The following CCDC126 variants were observed in gnomAD, a reference collection of about 807,000 sequenced individuals.
CCDC126 encodes coiled-coil domain-containing protein 126.
A neutral mutation model predicts 11.7 loss-of-function variants in CCDC126; 5 were observed. The ratio of observed to expected loss-of-function variants is 0.43; its 90% CI spans 0.22 to 0.90. The LOEUF is 0.90. CCDC126 is among the 40% of genes least tolerant of loss of function. CCDC126 has a pLI of 0.27. For synonymous variants in CCDC126, 60 were observed against 61.9 expected, an observed-to-expected ratio of 0.97 and a Z score of 0.14; for missense variants, 150 against 163.1, an observed-to-expected ratio of 0.92 and a Z score of 0.44.
chr7:23,620,719 A>G (rs1459642745), intron 3 of CCDC126, among the ~76,000 whole-genome samples: 1 of 152,206 alleles, frequency 6.6e-6, no homozygotes, highest in Non-Finnish European at 1.5e-5. Context: ...TAGGTCTAAC[A>G]TCTAAGTCTT....
intron 3 of CCDC126, among the ~76,000 whole-genome samples, chr7:23,638,380 C>A (rs1167229518): frequency 1.0e-5 from 1 of 95,932 alleles, no homozygotes; most frequent in Non-Finnish European, 2.1e-5. Flanking sequence ...AAGAAAAATT[C>A]TTCTGCCTTG....
chr7:23,604,186 G>A (rs1029091861), intron 2 of CCDC126: 2 of 152,138 alleles, frequency 1.3e-5, no homozygotes, highest in Non-Finnish European at 2.9e-5. Context: ...ACATTTTCAT[G>A]TTGTCCACAA....
chr7:23,625,345 C>T (rs926876081), intron 3 of CCDC126, among the ~76,000 whole-genome samples: 1 of 152,088 alleles, frequency 6.6e-6, no homozygotes, highest in Non-Finnish European at 1.5e-5. Context: ...AGGATGTGCA[C>T]ACGTTAAATT....
chr7:23,605,226 T>C (rs1355228379), intron 2 of CCDC126, among the ~76,000 whole-genome samples: 2 of 152,100 alleles, frequency 1.3e-5, no homozygotes, highest in Non-Finnish European at 2.9e-5. Flanking sequence ...GGGTTTAGCA[T>C]GGTGAGCAAG....
At chr7:23,615,332 AAG>A (rs1782779936) in intron 3 of CCDC126, among the ~76,000 whole-genome samples, 1 of 152,234 alleles carries the variant, frequency 6.6e-6, no homozygotes, top group Non-Finnish European at 1.5e-5. Context: ...CATAGAATTG[AAG>A]AGAGTTGGGG....
chr7:23,636,770 G>T (rs1383129683), intron 3 of CCDC126, among the ~76,000 whole-genome samples: 3 of 74,072 alleles, frequency 4.1e-5, no homozygotes, highest in Admixed American at 1.1e-4. Flanking sequence ...GGAGGGAGGT[G>T]GGGGGGGGGT....
At chr7:23,623,884 T>C (rs914972866) in intron 3 of CCDC126, among the ~76,000 whole-genome samples, 1 of 152,226 alleles carries the variant, frequency 6.6e-6, no homozygotes, top group Admixed American at 6.5e-5. Flanking sequence ...AAAAAATTTT[T>C]GTTGTATCTT....
intron 3 of CCDC126, among the ~76,000 whole-genome samples, chr7:23,642,259 C>T (rs1051009126): frequency 2.6e-5 from 4 of 152,004 alleles, no homozygotes; most frequent in Middle Eastern, 3.2e-3. Flanking sequence ...TGATCCCGCC[C>T]GCCTCAGCCT....
At chr7:23,602,760 C>G (rs1447875520) in intron 2 of CCDC126, among the ~76,000 whole-genome samples, 1 of 152,150 alleles carries the variant, frequency 6.6e-6, no homozygotes, top group Non-Finnish European at 1.5e-5. Flanking sequence ...TTTGACCTCA[C>G]ACCTCAGGCA....
intron 3 of CCDC126, among the ~76,000 whole-genome samples, chr7:23,624,951 C>G (rs1266251832): frequency 1.3e-5 from 2 of 152,042 alleles, no homozygotes; most frequent in African/African-American, 4.8e-5. Flanking sequence ...CAGGTGATCC[C>G]CCCACCTTAG....
Position 23,643,242 on chromosome 7 carries a change from T to A in CCDC126, c.*127T>A. The A allele has an allele frequency of 1.2e-6, 1 of 805,140 alleles. No individual in the cohort carries two copies. The highest frequency in any genetic ancestry group is 1.9e-6 in the Non-Finnish European group (1 of 525,868). The allele number at this position is 805,140 out of a possible 1,614,324, so 49.9% of individuals were successfully genotyped here. On this transcript the variant is annotated 3_prime_UTR_variant, in exon 4 of 4. Coordinates refer to ENST00000307471, the MANE Select transcript of CCDC126 (RefSeq NM_138771.4). The stretch of plus-strand genomic sequence containing the variant: ...AAAAGCTCTACACATTTTCAAGGAG[T>A]ATGCTGGATTCATGGAACTCTAATT...
chr7:23,632,137 A>G (rs921110505), intron 3 of CCDC126, among the ~76,000 whole-genome samples: 1 of 141,510 alleles, frequency 7.1e-6, no homozygotes, highest in African/African-American at 2.6e-5. Flanking sequence ...TCTGTTGCCC[A>G]GGCTGGACTG....
At chr7:23,626,129 A>G (rs1783011515) in intron 3 of CCDC126, among the ~76,000 whole-genome samples, 1 of 151,852 alleles carries the variant, frequency 6.6e-6, no homozygotes. Context: ...TTATATTCTA[A>G]TGTATTATGC....
chr7:23,599,505 G>GT (rs1194650491), intron 2 of CCDC126, among the ~76,000 whole-genome samples: 133 of 151,482 alleles, frequency 8.8e-4, no homozygotes, highest in Middle Eastern at 3.4e-3. Flanking sequence ...TATAGGTTTT[G>GT]TTGTTTTTTT....
At chr7:23,639,336 CAT>C (rs1783312974) in intron 3 of CCDC126, among the ~76,000 whole-genome samples, 1 of 152,080 alleles carries the variant, frequency 6.6e-6, no homozygotes, top group Non-Finnish European at 1.5e-5. Flanking sequence ...GGACTACAGA[CAT>C]GTGCCATCAC....
chr7:23,623,745 C>G (rs1445744887), intron 3 of CCDC126, among the ~76,000 whole-genome samples: 1 of 152,068 alleles, frequency 6.6e-6, no homozygotes, highest in African/African-American at 2.4e-5. Context: ...ATGTTCTCAT[C>G]ACAGAAATAT....
At chr7:23,618,016 GC>G (rs1782824216) in intron 3 of CCDC126, among the ~76,000 whole-genome samples, 1 of 152,150 alleles carries the variant, frequency 6.6e-6, no homozygotes, top group African/African-American at 2.4e-5. Context: ...AAGGATAGAT[GC>G]TAGAGCCAGC....
intron 3 of CCDC126, among the ~76,000 whole-genome samples, chr7:23,639,956 A>T (rs996653224): frequency 6.6e-6 from 1 of 152,166 alleles, no homozygotes; most frequent in Non-Finnish European, 1.5e-5. Context: ...TGGGTAGATC[A>T]CCTGAAGTCA....
chr7:23,600,365 T>C (rs1225207355), intron 2 of CCDC126, among the ~76,000 whole-genome samples: 1 of 145,610 alleles, frequency 6.9e-6, no homozygotes, highest in Non-Finnish European at 1.5e-5. Flanking sequence ...ATGGCTGTGT[T>C]CTGTGTTAAC....
Sources: allele counts gnomAD v4.1 joint callset (sites outside exome capture counted in the v4.1 genomes callset), GRCh38; gene constraint gnomAD v4.1.1; transcripts MANE v1.5; gene names NCBI Gene and HGNC (gene_info 2026-07-23, HGNC 2026-07-21).